Variants in ANKMY2 observed in about 807,000 individuals in gnomAD.
The protein encoded by ANKMY2 is ankyrin repeat and MYND domain containing 2, also known as ankyrin repeat and MYND domain-containing protein 2.
A neutral mutation model predicts 50.4 loss-of-function variants in ANKMY2; 36 were observed. The observed-to-expected ratio is 0.71, with a 90% CI of 0.55 to 0.94. ANKMY2 has a LOEUF of 0.94. Among genes scored for constraint, ANKMY2 ranks in the 40% least tolerant of loss-of-function variants. The probability of loss-of-function intolerance (pLI) is 0.00; values close to 1 mark genes in which losing one functional copy is unlikely to be tolerated. For missense variants in ANKMY2, 565 were observed against 524.0 expected (o/e 1.08, Z -0.76); for synonymous variants, 187 against 178.8 (o/e 1.05, Z -0.36).
rs1248933909 is a variant in ANKMY2, at chr7:16,615,850, T to C, written c.425A>G (p.Asp142Gly). Residue 142 changes from aspartate to glycine, a missense_variant, in exon 5 of 10, where the codon GAT (aspartate) becomes GGT (glycine). By Grantham distance (94) the Asp-to-Gly change is moderately conservative. Coordinates refer to ENST00000306999, the MANE Select transcript of ANKMY2 (RefSeq NM_020319.3). The part of the protein sequence containing the change: ...INNFFPRERL[D>G]YYTKPQGLDK... ...CAGTCCCTGGGGCTTAGTGTAATAA[T>C]CCAGTCTCTCTCGAGGAAAGAAATT... 4 of 1,614,016 alleles carry C rather than the reference T, an allele frequency of 2.5e-6. No homozygotes were observed. The highest frequency in any genetic ancestry group is 1.3e-5 in the African/African-American group (1 of 74,916).
chr7:16,600,794 A>T lies in ANKMY2; in HGVS notation c.1293T>A (p.Asp431Glu), dbSNP rs754416471. 1 of 1,613,202 alleles carries T rather than the reference A, an allele frequency of 6.2e-7. No homozygotes were observed. The highest frequency in any genetic ancestry group is 1.7e-5 in the Admixed American group (1 of 59,814). The change falls in exon 10 of 10, where the codon GAT becomes GAA. Residue 431 changes from aspartate (D) to glutamate (E), a missense_variant. Asp to Glu is a conservative substitution (Grantham distance 45). Coordinates refer to ENST00000306999, the MANE Select transcript of ANKMY2 (RefSeq NM_020319.3). ...CAGACACCTGTGGCCCTGCAGGAGC[A>T]TCCTGTAAGCCTTCCAACTCAGCTT... ...ESEAELEGLQ[D>E]APAGPQVSEE
rs1216872833 is a variant in ANKMY2, at chr7:16,645,716, C to T, written c.-143G>A. 1.1e-6 allele frequency: 1 copy of T among 891,144 alleles called. No homozygotes were observed. Among genetic ancestry groups the T allele is most frequent in the African/African-American group, 1.8e-5 (1 of 56,650 alleles). The allele number at this position is 891,144 out of a possible 1,614,324, so 55.2% of individuals were successfully genotyped here. A position where few individuals can be genotyped will look rare whatever the true frequency, so the allele number is the denominator to read the frequency against. ...CCAACCGCGGAAACGCTTCGCTTCT[C>T]TCCTCCCTCCCGCGGGCTGGCGGAC... On this transcript the variant is annotated 5_prime_UTR_variant, in exon 1 of 10. Coordinates refer to ENST00000306999, the MANE Select transcript of ANKMY2 (RefSeq NM_020319.3).
At chr7:16,642,368 C>T (rs934639971) in intron 1 of ANKMY2, among the ~76,000 whole-genome samples, 1 of 152,202 alleles carries the variant, frequency 6.6e-6, no homozygotes, top group African/African-American at 2.4e-5. Context: ...CTCTTACATA[C>T]TGTTAAATGA....
intron 3 of ANKMY2, among the ~76,000 whole-genome samples, chr7:16,625,354 T>C (rs538739748): frequency 6.6e-6 from 1 of 152,300 alleles, no homozygotes; most frequent in African/African-American, 2.4e-5. Flanking sequence ...TGAAATATAT[T>C]TTCCTAGAGG....
chr7:16,628,707 G>A (rs534341689), intron 2 of ANKMY2, among the ~76,000 whole-genome samples: 1 of 152,150 alleles, frequency 6.6e-6, no homozygotes, highest in East Asian at 1.9e-4. Flanking sequence ...AAGGACACAG[G>A]CCCATCAGAA....
rs146939349 is a variant in ANKMY2, at chr7:16,604,345, A to T, written c.1011+376T>A. 3.7e-3 allele frequency among the ~76,000 whole-genome samples: 563 copies of T among 152,384 alleles called. 1 individual carries two copies. The highest frequency in any genetic ancestry group is 0.013 in the African/African-American group (539 of 41,584). ...AGACACTGTCATTAAAGTCAACATCAGAAGAGTAAAGAATGTATATTTATG... is the reference window on the plus strand; with the variant it reads ...AGACACTGTCATTAAAGTCAACATCTGAAGAGTAAAGAATGTATATTTATG... On this transcript the variant is annotated intron_variant, in intron 8 of 9. Transcript: ENST00000306999.
chr7:16,627,047 T>C lies in ANKMY2; in HGVS notation c.264A>G (p.Ala88=). The change falls in exon 3 of 10, where the codon GCA becomes GCG. Residue 88 remains alanine (A), a synonymous_variant. Coordinates refer to ENST00000306999, the MANE Select transcript of ANKMY2 (RefSeq NM_020319.3). ...EHGYTALMFA[A]LSGNKDITWV... is the part of the protein sequence containing the mutation. ...TAAATACTAAAACTTCACCAGAAAG[T>C]GCAGCAAACATGAGGGCTGTGTATC... is the stretch of plus-strand genomic sequence containing the variant. 6.3e-7 allele frequency: 1 copy of C among 1,599,680 alleles called. No individual in the cohort carries two copies. The highest frequency in any genetic ancestry group is 1.1e-5 in the South Asian group (1 of 88,434).
In ANKMY2 at chr7:16,600,317, C is replaced by T. The variant is rs796429594; in HGVS notation, c.*444G>A. 13 of 152,932 alleles carry T rather than the reference C, an allele frequency of 8.5e-5. No individual in the cohort carries two copies. The highest frequency in any genetic ancestry group is 2.9e-4 in the African/African-American group (12 of 41,558). The allele number at this position is 152,932 out of a possible 1,614,324, so 9.5% of individuals were successfully genotyped here. A position where few individuals can be genotyped will look rare whatever the true frequency, so the allele number is the denominator to read the frequency against. On this transcript the variant is annotated 3_prime_UTR_variant, in exon 10 of 10. Coordinates refer to ENST00000306999, the MANE Select transcript of ANKMY2 (RefSeq NM_020319.3). ...TAGAATGCCACTACCGTAAATGCTG[C>T]TTATATGTATTTTATTCACATATAA...
intron 4 of ANKMY2, among the ~76,000 whole-genome samples, chr7:16,620,759 T>C (rs1781424357): frequency 1.3e-5 from 2 of 152,156 alleles, no homozygotes; most frequent in Admixed American, 1.3e-4. Flanking sequence ...GAAACTAACA[T>C]TTTAGATTAC....
intron 5 of ANKMY2, among the ~76,000 whole-genome samples, chr7:16,613,360 G>C (rs1471791582): frequency 2.0e-5 from 3 of 152,076 alleles, no homozygotes; most frequent in Admixed American, 6.5e-5. Context: ...TACTCCATAG[G>C]AAATGCCATG....
chr7:16,609,571 T>C, intron 7 of ANKMY2, 59 bp downstream of exon 7: 3 of 1,514,558 alleles, frequency 2.0e-6, no homozygotes, highest in Non-Finnish European at 2.6e-6. Flanking sequence ...CCTTTAACAA[T>C]ACAATAGGTG....
intron 5 of ANKMY2, among the ~76,000 whole-genome samples, chr7:16,615,231 G>A (rs1583672470): frequency 6.6e-6 from 1 of 152,180 alleles, no homozygotes; most frequent in South Asian, 2.1e-4. Context: ...TATTGTAATA[G>A]ATGCTGTTAG....
intron 5 of ANKMY2, among the ~76,000 whole-genome samples, chr7:16,612,841 A>G (rs1029414581): frequency 2.0e-5 from 3 of 152,222 alleles, no homozygotes; most frequent in African/African-American, 7.2e-5. Flanking sequence ...ATATATTATA[A>G]AGGAAATCCT....
chr7:16,613,880 C>A (rs1388149084), intron 5 of ANKMY2, among the ~76,000 whole-genome samples: 1 of 147,680 alleles, frequency 6.8e-6, no homozygotes, highest in African/African-American at 2.5e-5. Context: ...AGATCTGTAC[C>A]ACTGCACTCC....
intron 2 of ANKMY2, among the ~76,000 whole-genome samples, chr7:16,635,951 C>T (rs1781652934): frequency 6.6e-6 from 1 of 151,974 alleles, no homozygotes; most frequent in Non-Finnish European, 1.5e-5. Flanking sequence ...TATTTGCTTA[C>T]ATTTAGTTTA....
intron 5 of ANKMY2, among the ~76,000 whole-genome samples, chr7:16,611,644 CAGTTT>C (rs1237143355): frequency 6.6e-6 from 1 of 152,176 alleles, no homozygotes; most frequent in Non-Finnish European, 1.5e-5. Context: ...AAGCCAAAGA[CAGTTT>C]AAAGCCTGAA....
chr7:16,607,665 C>T (rs1781181865), intron 7 of ANKMY2, among the ~76,000 whole-genome samples: 2 of 120,094 alleles, frequency 1.7e-5, no homozygotes, highest in South Asian at 2.8e-4. Context: ...CAATATTGAC[C>T]TGCTTTTTTT....
intron 1 of ANKMY2, among the ~76,000 whole-genome samples, chr7:16,644,313 A>G (rs555202750): frequency 2.0e-5 from 3 of 152,376 alleles, no homozygotes; most frequent in African/African-American, 7.2e-5. Context: ...CAGGCAAAGA[A>G]CACATCATTG....
chr7:16,629,356 C>G (rs536256891), intron 2 of ANKMY2, among the ~76,000 whole-genome samples: 120 of 152,166 alleles, frequency 7.9e-4, no homozygotes, highest in Admixed American at 3.8e-3. Context: ...GCCAACATGG[C>G]AAAACCCTGT....
Sources: gnomAD v4.1 joint callset for allele counts (sites outside exome capture counted in the v4.1 genomes callset) on GRCh38, gnomAD v4.1.1 for gene constraint, MANE v1.5 for transcripts, NCBI Gene and HGNC (gene_info 2026-07-23, HGNC 2026-07-21) for gene names.